The following KIAA1217 variants were observed in gnomAD, a reference collection of about 807,000 sequenced individuals.
The protein encoded by KIAA1217 is sickle tail protein homolog.
Under a neutral mutation model 163.9 loss-of-function variants are expected in KIAA1217, and 88 were observed. The ratio of observed to expected loss-of-function variants is 0.54; its 90% CI spans 0.45 to 0.64. KIAA1217 has a LOEUF of 0.64. Among genes scored for constraint, KIAA1217 ranks in the 30% least tolerant of loss-of-function variants. The pLI is 0.00. For synonymous variants in KIAA1217, 903 were observed against 923.1 expected, an observed-to-expected ratio of 0.98 and a Z score of 0.39; for missense variants, 2,372 against 2,475.0, an observed-to-expected ratio of 0.96 and a Z score of 0.88.
intron 1 of KIAA1217, among the ~76,000 whole-genome samples, chr10:23,853,165 C>G (rs1305772299): frequency 2.6e-5 from 4 of 152,086 alleles, no homozygotes; most frequent in East Asian, 3.9e-4. Flanking sequence ...ATAGATAGCT[C>G]TTATTATTTT....
chr10:24,128,565 A>G (rs1200413592), intron 2 of KIAA1217, among the ~76,000 whole-genome samples: 1 of 152,164 alleles, frequency 6.6e-6, no homozygotes, highest in African/African-American at 2.4e-5. Flanking sequence ...GCAGCTTCGC[A>G]TGCCATGGGG....
chr10:24,268,954 C>G (rs1008078538), intron 2 of KIAA1217, among the ~76,000 whole-genome samples: 1 of 144,786 alleles, frequency 6.9e-6, no homozygotes, highest in African/African-American at 2.6e-5. Context: ...TAAACTATCG[C>G]AAGGACAAAA....
intron 2 of KIAA1217, among the ~76,000 whole-genome samples, chr10:24,307,704 C>T (rs190002939): frequency 3.3e-5 from 5 of 151,880 alleles, no homozygotes; most frequent in Non-Finnish European, 7.4e-5. Flanking sequence ...ATTGCTTGAG[C>T]GTAAGAGGTC....
At chr10:24,151,901 T>C (rs1383431295) in intron 2 of KIAA1217, among the ~76,000 whole-genome samples, 4 of 152,106 alleles carry the variant, frequency 2.6e-5, no homozygotes, top group Non-Finnish European at 4.4e-5. Context: ...GATATGAATC[T>C]CATCTAATTC....
At chr10:23,825,526 C>T (rs1408230403) in intron 1 of KIAA1217, among the ~76,000 whole-genome samples, 2 of 152,114 alleles carry the variant, frequency 1.3e-5, no homozygotes, top group Non-Finnish European at 2.9e-5. Context: ...GACTGTATTT[C>T]AGATTGATTT....
chr10:24,418,316 G>A (rs760962546), intron 3 of KIAA1217, among the ~76,000 whole-genome samples: 1 of 151,972 alleles, frequency 6.6e-6, no homozygotes, highest in Admixed American at 6.6e-5. Flanking sequence ...CTGGGATCCC[G>A]ACTTTTGTTT....
At chr10:24,377,373 C>G (rs1179845022) in intron 2 of KIAA1217, among the ~76,000 whole-genome samples, 1 of 152,172 alleles carries the variant, frequency 6.6e-6, no homozygotes, top group Admixed American at 6.5e-5. Context: ...AATATTCCCA[C>G]CATCCCCTGC....
intron 3 of KIAA1217, among the ~76,000 whole-genome samples, chr10:24,388,268 G>A (rs2054305960): frequency 1.3e-5 from 2 of 152,168 alleles, no homozygotes; most frequent in Admixed American, 1.3e-4. Flanking sequence ...ACAACTGTCT[G>A]ATCTTTGACA....
intron 3 of KIAA1217, among the ~76,000 whole-genome samples, chr10:24,403,303 A>G (rs553629743): frequency 6.6e-6 from 1 of 152,254 alleles, no homozygotes; most frequent in Non-Finnish European, 1.5e-5. Context: ...CAATGGTGCA[A>G]TCTCAGCTCA....
intron 1 of KIAA1217, among the ~76,000 whole-genome samples, chr10:23,720,022 A>AG (rs1368185341): frequency 1.3e-5 from 2 of 151,964 alleles, no homozygotes; most frequent in Non-Finnish European, 2.9e-5. Flanking sequence ...CCTGGGGAGA[A>AG]GGGGGGAGGG....
chr10:23,938,234 T>C (rs1271291025), intron 1 of KIAA1217, among the ~76,000 whole-genome samples: 1 of 152,076 alleles, frequency 6.6e-6, no homozygotes, highest in East Asian at 1.9e-4. Flanking sequence ...TGTGTCATAA[T>C]ATATAGGGAA....
At position 23,830,611 on chromosome 10, in the gene KIAA1217, G is replaced by A. The variant is rs146959962; in HGVS notation, c.-321+135377G>A. Among the ~76,000 whole-genome samples, 603 of 152,058 alleles carry A rather than the reference G, an allele frequency of 4.0e-3. 3 individuals carry two copies. The highest frequency in any genetic ancestry group is 6.6e-3 in the Non-Finnish European group (448 of 67,972). Reference sequence around the variant, plus strand: ...CATGAAAGAAAGAGAGAGAGAAAGGGAGACAGTGATGATAGGGAGACAGAT... The same window carrying A: ...CATGAAAGAAAGAGAGAGAGAAAGGAAGACAGTGATGATAGGGAGACAGAT... On this transcript the variant is annotated intron_variant, in intron 1 of 18. Coordinates refer to the KIAA1217 transcript ENST00000376462.
chr10:24,036,300 T>A (rs1202419769), intron 2 of KIAA1217, among the ~76,000 whole-genome samples: 5 of 152,156 alleles, frequency 3.3e-5, no homozygotes, highest in African/African-American at 1.2e-4. Flanking sequence ...CAGAAAGGAT[T>A]TCCAGACAGG....
intron 1 of KIAA1217, among the ~76,000 whole-genome samples, chr10:23,756,013 G>A (rs1488813594): frequency 6.6e-6 from 1 of 151,970 alleles, no homozygotes; most frequent in African/African-American, 2.4e-5. Flanking sequence ...GAATAATGCA[G>A]CAGTGTGATC....
Position 23,889,365 on chromosome 10 carries a change from G to A in KIAA1217, c.-320-117860G>A, listed in dbSNP as rs558799679. On this transcript the variant is annotated intron_variant, in intron 1 of 18. Transcript: ENST00000376462. ...TTTTAATGCATATTGGCACCTCATTGTGGTTTTAACTTGGATTTCCTGATC... is the reference window on the plus strand; with the variant it reads ...TTTTAATGCATATTGGCACCTCATTATGGTTTTAACTTGGATTTCCTGATC... Among the ~76,000 whole-genome samples the A allele has an allele frequency of 1.5e-3, 222 of 151,926 alleles. 2 individuals carry two copies. Among genetic ancestry groups the A allele is most frequent in the African/African-American group, 3.9e-3 (162 of 41,524 alleles).
chr10:24,519,997 C>A, intron 10 of KIAA1217, 126 bp from the exon 11 acceptor site: 1 of 1,101,618 alleles, frequency 9.1e-7, no homozygotes, highest in Non-Finnish European at 1.3e-6. Flanking sequence ...CACCACCACA[C>A]GAAAGGCAGG....
intron 1 of KIAA1217, among the ~76,000 whole-genome samples, chr10:23,934,886 G>A (rs1401102563): frequency 1.3e-5 from 2 of 151,342 alleles, no homozygotes; most frequent in Admixed American, 1.3e-4. Context: ...CACAGTGCTG[G>A]GATTACAGGC....
rs184565862 is a variant in KIAA1217 at position 24,001,787 on chromosome 10, A to G, written c.-320-5438A>G. ...TCTAAACTCAAACCCTGAGCATCTC[A>G]TCTGGAGGGCACACTCTTAGCCACT... On this transcript the variant is annotated intron_variant, in intron 1 of 18. Transcript: ENST00000376462. Among the ~76,000 whole-genome samples, 4 of 152,226 alleles carry G rather than the reference A, an allele frequency of 2.6e-5. No homozygotes were observed. In the South Asian group the frequency reaches 6.2e-4, roughly 24 times the overall value.
chr10:24,035,915 C>T (rs1478295855), intron 2 of KIAA1217, among the ~76,000 whole-genome samples: 1 of 152,202 alleles, frequency 6.6e-6, no homozygotes, highest in Non-Finnish European at 1.5e-5. Context: ...AAGAGATCCT[C>T]AGAGCCAGCC....
Sources: gnomAD v4.1 joint callset for allele counts (sites outside exome capture counted in the v4.1 genomes callset) on GRCh38, gnomAD v4.1.1 for gene constraint, MANE v1.5 for transcripts, NCBI Gene and HGNC (gene_info 2026-07-23, HGNC 2026-07-21) for gene names.